ASCC3: variants seen among roughly 807,000 people sequenced by gnomAD.
ASCC3 encodes the protein ASC-1 complex subunit P200.
Under a neutral mutation model 256.3 loss-of-function variants are expected in ASCC3, and 158 were observed. The ratio of observed to expected loss-of-function variants is 0.62; its 90% CI spans 0.54 to 0.70. The LOEUF (loss-of-function observed/expected upper bound fraction) is 0.70, where lower values mean the gene tolerates loss of function less well. Ranked by LOEUF, ASCC3 falls within the 30% of genes least tolerant of loss-of-function variation. ASCC3 has a pLI of 0.00. For synonymous variants in ASCC3, 948 were observed against 883.4 expected, an observed-to-expected ratio of 1.07 and a Z score of -1.30; for missense variants, 2,259 against 2,626.0, an observed-to-expected ratio of 0.86 and a Z score of 3.05.
chr6:100,590,239 T>G (rs1260356042), intron 34 of ASCC3, among the ~76,000 whole-genome samples, 180 bp from the exon 35 acceptor site: 3 of 152,088 alleles, frequency 2.0e-5, no homozygotes, highest in Non-Finnish European at 2.9e-5. Flanking sequence ...TTTTAGGCAA[T>G]TCAGTCAATT....
At chr6:100,849,853 A>G (rs1772572180) in intron 3 of ASCC3, among the ~76,000 whole-genome samples, 1 of 152,052 alleles carries the variant, frequency 6.6e-6, no homozygotes, top group Non-Finnish European at 1.5e-5. Context: ...TAATCCCAGC[A>G]CTTTGGGAGG....
intron 30 of ASCC3, among the ~76,000 whole-genome samples, chr6:100,620,773 A>G (rs887996170): frequency 6.6e-6 from 1 of 152,180 alleles, no homozygotes; most frequent in African/African-American, 2.4e-5. Flanking sequence ...AACACTACAC[A>G]AGGAGCAGCA....
rs1582873669 is a variant in ASCC3, at chr6:100,794,124, T to C, written c.1395+4589A>G. 2.6e-5 allele frequency among the ~76,000 whole-genome samples: 4 copies of C among 152,110 alleles called. No homozygotes were observed. In the South Asian group the frequency reaches 6.2e-4, roughly 24 times the overall value. Reference sequence around the variant, plus strand: ...CTTGCAGCTTTTCTTCCTTGAATTATTGCAGCAGCTCTACTCTAGACCTTC... The same window carrying C: ...CTTGCAGCTTTTCTTCCTTGAATTACTGCAGCAGCTCTACTCTAGACCTTC... On this transcript the variant is annotated intron_variant, in intron 8 of 41. Transcript: ENST00000369162.
In ASCC3 at chr6:100,625,235, G is replaced by A; in HGVS notation, c.4742C>T (p.Thr1581Ile). ...TAACCACTGCTTTGGATCTTCTTCA[G>A]TAGCCAGGAAGGCGATCAATTCCAA... is the stretch of plus-strand genomic sequence containing the variant. ...TALELIAFLA[T>I]EEDPKQWLNM... is the part of the protein sequence containing the mutation. Residue 1581 changes from threonine (T) to isoleucine (I), a missense_variant, in exon 30 of 42, where the codon ACT becomes ATT. Transcript: ENST00000369162. The A allele has an allele frequency of 6.2e-7, 1 of 1,612,932 alleles. No homozygotes were observed. The highest frequency in any genetic ancestry group is 8.5e-7 in the Non-Finnish European group (1 of 1,179,276).
chr6:100,691,869 C>G (rs973675183), intron 13 of ASCC3, among the ~76,000 whole-genome samples: 1 of 151,650 alleles, frequency 6.6e-6, no homozygotes, highest in Non-Finnish European at 1.5e-5. Context: ...CATTTATATA[C>G]TAGATAAACT....
At chr6:100,726,036 A>G (rs1779609728) in intron 10 of ASCC3, among the ~76,000 whole-genome samples, 1 of 151,564 alleles carries the variant, frequency 6.6e-6, no homozygotes, top group African/African-American at 2.4e-5. Flanking sequence ...AAAGTAGCAT[A>G]TACTGATAAT....
intron 8 of ASCC3, among the ~76,000 whole-genome samples, chr6:100,797,286 C>T (rs1391778818): frequency 2.6e-5 from 4 of 151,496 alleles, no homozygotes; most frequent in Non-Finnish European, 5.9e-5. Flanking sequence ...CCTGTCTCTA[C>T]CAAAAATACA....
At position 100,625,344 on chromosome 6, in the gene ASCC3, AGTT is replaced by A. The variant is rs1168684488; in HGVS notation, c.4643-13_4643-11del. ...GAATGGCTTCTAATTGCTGTTGAAA[AGTT>A]GTGGGAAATAAAATGGAAAGATACT... On this transcript the variant is annotated splice_polypyrimidine_tract_variant and intron_variant, in intron 29 of 41. Coordinates refer to ENST00000369162, the MANE Select transcript of ASCC3 (RefSeq NM_006828.4). 26 of 1,611,980 alleles carry A rather than the reference AGTT, an allele frequency of 1.6e-5. No homozygotes were observed. The highest frequency in any genetic ancestry group is 2.2e-5 in the Non-Finnish European group (26 of 1,178,458).
chr6:100,582,456 A>G (rs1228399485), intron 36 of ASCC3, among the ~76,000 whole-genome samples: 2 of 151,492 alleles, frequency 1.3e-5, no homozygotes, highest in East Asian at 3.9e-4. Context: ...GACTTTGCTG[A>G]AGTTGCTTAT....
chr6:100,748,527 G>C (rs984310177), intron 10 of ASCC3, among the ~76,000 whole-genome samples: 2 of 152,014 alleles, frequency 1.3e-5, no homozygotes, highest in African/African-American at 4.8e-5. Flanking sequence ...AAATTGGAAA[G>C]ACTAGAGAGC....
chr6:100,723,937 T>C (rs1391919986), intron 11 of ASCC3, among the ~76,000 whole-genome samples: 1 of 143,262 alleles, frequency 7.0e-6, no homozygotes. Context: ...AATATATATA[T>C]ATACACACAC....
chr6:100,870,089 T>A (rs1773661979), intron 1 of ASCC3, among the ~76,000 whole-genome samples: 1 of 152,220 alleles, frequency 6.6e-6, no homozygotes, highest in East Asian at 1.9e-4. Flanking sequence ...GTCAAGCCAA[T>A]CTTCCCTCCA....
chr6:100,682,750 A>C (rs1426041589), intron 13 of ASCC3, among the ~76,000 whole-genome samples: 1 of 152,212 alleles, frequency 6.6e-6, no homozygotes, highest in Non-Finnish European at 1.5e-5. Context: ...TCCAAGATTA[A>C]AGTTGCATAA....
At chr6:100,727,801 G>C (rs1177489313) in intron 10 of ASCC3, among the ~76,000 whole-genome samples, 1 of 151,998 alleles carries the variant, frequency 6.6e-6, no homozygotes, top group Non-Finnish European at 1.5e-5. Flanking sequence ...AGAATGAAGA[G>C]AAATAAATCA....
intron 3 of ASCC3, chr6:100,859,088 G>T: frequency 1.3e-6 from 1 of 778,352 alleles, no homozygotes; most frequent in Non-Finnish European, 2.4e-6. Context: ...TTCTTCTTTT[G>T]TCCATTTTAG....
At chr6:100,838,392 G>C (rs1771981558) in intron 4 of ASCC3, among the ~76,000 whole-genome samples, 1 of 151,910 alleles carries the variant, frequency 6.6e-6, no homozygotes, top group Non-Finnish European at 1.5e-5. Context: ...ACTCTGAATT[G>C]TGGCATAGAA....
chr6:100,691,382 A>G (rs9485306), intron 13 of ASCC3, among the ~76,000 whole-genome samples: 11,162 of 152,032 alleles, frequency 0.073, 936 homozygotes, highest in East Asian at 0.3. Flanking sequence ...AATGAAAACA[A>G]TGTTTTCTTA....
At chr6:100,699,948 CAG>C (rs770104861) in intron 13 of ASCC3, among the ~76,000 whole-genome samples, 6 of 152,096 alleles carry the variant, frequency 3.9e-5, no homozygotes, top group Non-Finnish European at 5.9e-5. Flanking sequence ...AAAAGGGAAA[CAG>C]AGCATAAAAG....
At chr6:100,757,821 G>C (rs1321227169) in intron 10 of ASCC3, among the ~76,000 whole-genome samples, 1 of 152,158 alleles carries the variant, frequency 6.6e-6, no homozygotes, top group African/African-American at 2.4e-5. Context: ...CCAGACTGGT[G>C]AAGAAGCCCA....
Sources: gnomAD v4.1 joint callset for allele counts (sites outside exome capture counted in the v4.1 genomes callset) on GRCh38, gnomAD v4.1.1 for gene constraint, MANE v1.5 for transcripts, NCBI Gene and HGNC (gene_info 2026-07-23, HGNC 2026-07-21) for gene names.